Variants in MSRA observed in about 807,000 individuals in gnomAD.
The protein encoded by MSRA is methionine sulfoxide reductase A.
MSRA carries 54 observed loss-of-function variants against 31.3 expected under a neutral mutation model. The observed-to-expected ratio is 1.73, with a 90% confidence interval of 1.39 to 2.17. The LOEUF is 2.17. Among genes scored for constraint, MSRA ranks in the 30% most tolerant of loss-of-function variants. MSRA has a pLI of 0.00. For missense variants in MSRA, 507 were observed against 300.9 expected, an observed-to-expected ratio of 1.69 and a Z score of -5.07; for synonymous variants, 169 against 116.5, an observed-to-expected ratio of 1.45 and a Z score of -2.90.
chr8:10,121,473 C>T (rs902989070), intron 1 of MSRA, among the ~76,000 whole-genome samples: 5 of 152,082 alleles, frequency 3.3e-5, no homozygotes, highest in African/African-American at 9.7e-5. Flanking sequence ...TAGAGCGATC[C>T]AGGATGGGGA....
intron 5 of MSRA, among the ~76,000 whole-genome samples, chr8:10,387,277 A>C (rs1806453439): frequency 6.6e-6 from 1 of 152,258 alleles, no homozygotes; most frequent in Non-Finnish European, 1.5e-5. Context: ...GGAAGCAGGT[A>C]AAACAGAGCA....
rs1021008880 is a variant in MSRA, at chr8:10,212,771, A to T, written c.211+4870A>T. On this transcript the variant is annotated intron_variant, in intron 2 of 5. Coordinates refer to ENST00000317173, the MANE Select transcript of MSRA (RefSeq NM_012331.5). ...CCTTAACCAGTTTGGAGGTGGGGCT[A>T]TGTAGCCTTTAAAACCCTTTGTTCT... 2.6e-5 allele frequency among the ~76,000 whole-genome samples: 4 copies of T among 152,192 alleles called. No individual in the cohort carries two copies. In the South Asian group the frequency reaches 8.3e-4, roughly 32 times the overall value.
intron 5 of MSRA, among the ~76,000 whole-genome samples, chr8:10,427,295 G>A (rs796855411): frequency 6.6e-5 from 10 of 152,332 alleles, no homozygotes; most frequent in African/African-American, 2.4e-4. Flanking sequence ...GAAATCCAAA[G>A]GGGAGAAGAA....
intron 5 of MSRA, among the ~76,000 whole-genome samples, chr8:10,413,344 C>T (rs1171756247): frequency 6.6e-6 from 1 of 152,160 alleles, no homozygotes; most frequent in African/African-American, 2.4e-5. Context: ...CTTCAATGGC[C>T]ACACCTGAAA....
At chr8:10,327,493 A>G (rs1299627717) in intron 5 of MSRA, among the ~76,000 whole-genome samples, 1 of 152,194 alleles carries the variant, frequency 6.6e-6, no homozygotes, top group African/African-American at 2.4e-5. Context: ...TTCAGTTTTG[A>G]TTATTTAATT....
At chr8:10,207,768 T>C in intron 1 of MSRA, 65 bp from the exon 2 acceptor site, 2 of 1,425,910 alleles carry the variant, frequency 1.4e-6, no homozygotes, top group Non-Finnish European at 1.9e-6. Context: ...ACACATTTAA[T>C]GACATGTGTT....
At chr8:10,239,478 C>G (rs945849106) in intron 2 of MSRA, among the ~76,000 whole-genome samples, 10 of 152,132 alleles carry the variant, frequency 6.6e-5, no homozygotes, top group African/African-American at 2.4e-4. Flanking sequence ...GATTTTAAGC[C>G]CATCCAATTG....
chr8:10,226,127 T>C (rs912060687), intron 2 of MSRA, among the ~76,000 whole-genome samples: 11 of 152,202 alleles, frequency 7.2e-5, no homozygotes, highest in Admixed American at 2.6e-4. Flanking sequence ...AGTGTTTTCT[T>C]CACCCCATTT....
rs553658201 is a variant in MSRA, at chr8:10,428,793, C to G, written c.*481C>G. 66 of 165,752 alleles carry G rather than the reference C, an allele frequency of 4.0e-4. 1 individual carries two copies. The South Asian group carries it at 0.011, about 28-fold the overall frequency. 10.3% of individuals were successfully genotyped at this position (165,752 alleles called of 1,614,324 possible). A position where few individuals can be genotyped will look rare whatever the true frequency, so the allele number is the denominator to read the frequency against. ...CTCTCCCTTTTCAGCCCTCTCTGTG[C>G]AGAGAAAAGATGTGAGTCCGCTTGA... On this transcript the variant is annotated 3_prime_UTR_variant, in exon 6 of 6. Coordinates refer to ENST00000317173, the MANE Select transcript of MSRA (RefSeq NM_012331.5).
chr8:10,190,091 C>A (rs1807377518), intron 1 of MSRA, among the ~76,000 whole-genome samples: 1 of 152,030 alleles, frequency 6.6e-6, no homozygotes, highest in Non-Finnish European at 1.5e-5. Context: ...CAAGGAATGT[C>A]CTTGGTGTTT....
Position 10,301,646 on chromosome 8 carries a change from G to T in MSRA, c.436+8G>T, listed in dbSNP as rs781626868. The T allele has an allele frequency of 6.2e-7, 1 of 1,601,976 alleles. No individual in the cohort carries two copies. The highest frequency in any genetic ancestry group is 8.5e-7 in the Non-Finnish European group (1 of 1,170,190). On this transcript the variant is annotated splice_region_variant and intron_variant, in intron 4 of 5. Transcript: ENST00000317173. ...ATCACGACCCGACCCAAGGTAGAGT[G>T]ATGAGTGAGCCAGTATTTAATTATC...
chr8:10,112,645 A>C (rs773040760), intron 1 of MSRA, among the ~76,000 whole-genome samples: 2 of 152,210 alleles, frequency 1.3e-5, no homozygotes, highest in Admixed American at 6.5e-5. Flanking sequence ...TGTCTTGTAA[A>C]ACTTATATTA....
intron 1 of MSRA, among the ~76,000 whole-genome samples, chr8:10,185,687 T>G (rs556125087): frequency 1.3e-5 from 2 of 152,282 alleles, no homozygotes; most frequent in East Asian, 1.9e-4. Context: ...GTATTTTCTG[T>G]TTCAGCTACT....
intron 2 of MSRA, among the ~76,000 whole-genome samples, chr8:10,238,198 C>T (rs1181560593): frequency 6.6e-6 from 1 of 152,178 alleles, no homozygotes; most frequent in Non-Finnish European, 1.5e-5. Flanking sequence ...GCTTTCTCTA[C>T]CCCTTGCTGG....
rs10088763 is a variant in MSRA at position 10,355,932 on chromosome 8, A to G, written c.543+35943A>G. On this transcript the variant is annotated intron_variant, in intron 5 of 5. Coordinates refer to ENST00000317173, the MANE Select transcript of MSRA (RefSeq NM_012331.5). Reference sequence around the variant, plus strand: ...TCTGAGCCATAGGAAACTGGTATTCAGTACTAGAGCTAGGATTGAGGAAGG... The same window carrying G: ...TCTGAGCCATAGGAAACTGGTATTCGGTACTAGAGCTAGGATTGAGGAAGG... 5.2e-3 allele frequency among the ~76,000 whole-genome samples: 790 copies of G among 152,228 alleles called. 10 individuals carry two copies. The highest frequency in any genetic ancestry group is 0.018 in the African/African-American group (767 of 41,482).
chr8:10,395,195 A>T (rs905173083), intron 5 of MSRA, among the ~76,000 whole-genome samples: 3 of 152,128 alleles, frequency 2.0e-5, no homozygotes, highest in Admixed American at 6.5e-5. Flanking sequence ...GTCCTATTTA[A>T]GAGTGTGCTT....
At chr8:10,095,850 T>G (rs752981668) in intron 1 of MSRA, 3 of 1,267,506 alleles carry the variant, frequency 2.4e-6, no homozygotes, top group Non-Finnish European at 3.0e-6. Flanking sequence ...ATAGTGTCCA[T>G]GCATTTGGGA....
At chr8:10,398,084 C>G (rs1288702297) in intron 5 of MSRA, among the ~76,000 whole-genome samples, 1 of 152,164 alleles carries the variant, frequency 6.6e-6, no homozygotes, top group Non-Finnish European at 1.5e-5. Flanking sequence ...ACTTTGGAGT[C>G]TATTAAAATT....
At chr8:10,140,992 A>C (rs1802655237) in intron 1 of MSRA, among the ~76,000 whole-genome samples, 1 of 152,202 alleles carries the variant, frequency 6.6e-6, no homozygotes, top group Non-Finnish European at 1.5e-5. Flanking sequence ...AGGCAAACGG[A>C]AGTCCTTTTT....
Sources: gnomAD v4.1 joint callset for allele counts (sites outside exome capture counted in the v4.1 genomes callset) on GRCh38, gnomAD v4.1.1 for gene constraint, MANE v1.5 for transcripts, NCBI Gene and HGNC (gene_info 2026-07-23, HGNC 2026-07-21) for gene names.